The following GPC5 variants were observed in gnomAD, a reference collection of about 807,000 sequenced individuals.
The protein encoded by GPC5 is glypican 5, also known as glypican-5.
A neutral mutation model predicts 53.9 loss-of-function variants in GPC5; 47 were observed. That is an observed-to-expected ratio of 0.87 (90% confidence interval 0.69 to 1.11). GPC5 has a LOEUF of 1.11. GPC5 is among the 50% of genes most tolerant of loss of function. The pLI, the probability that GPC5 is intolerant of heterozygous loss-of-function variation, is 0.00. For missense variants in GPC5, 748 were observed against 713.1 expected, an observed-to-expected ratio of 1.05 and a Z score of -0.56; for synonymous variants, 286 against 263.3, an observed-to-expected ratio of 1.09 and a Z score of -0.84.
Position 91,399,014 on chromosome 13 carries a change from C to T in GPC5, c.-33C>T. On this transcript the variant is annotated 5_prime_UTR_variant, in exon 1 of 8. Transcript: ENST00000377067. The stretch of plus-strand genomic sequence containing the variant: ...CAGGGCGCGCAGGGCGAGTGGGGTC[C>T]ACTGGCGGGTAAAGGGGACCAGGAC... 1 of 1,534,280 alleles carries T rather than the reference C, an allele frequency of 6.5e-7. No individual in the cohort carries two copies. Among genetic ancestry groups the T allele is most frequent in the Non-Finnish European group, 8.8e-7 (1 of 1,136,588 alleles).
chr13:92,693,262 TAAAGTTAACCTGA>T (rs1887466113), intron 7 of GPC5, among the ~76,000 whole-genome samples: 1 of 152,124 alleles, frequency 6.6e-6, no homozygotes, highest in Non-Finnish European at 1.5e-5. Flanking sequence ...GGCACTGCTA[TAAAGTTAACCTGA>T]AAATGTGGAG....
At chr13:91,817,985 G>T (rs1278420525) in intron 5 of GPC5, among the ~76,000 whole-genome samples, 1 of 151,486 alleles carries the variant, frequency 6.6e-6, no homozygotes, top group African/African-American at 2.4e-5. Context: ...TTTTATTGTC[G>T]TATATGTTTT....
At chr13:91,518,835 G>A (rs955322166) in intron 2 of GPC5, among the ~76,000 whole-genome samples, 1 of 152,172 alleles carries the variant, frequency 6.6e-6, no homozygotes, top group Admixed American at 6.5e-5. Context: ...TTACAGGTGT[G>A]AGCCACCACA....
intron 2 of GPC5, among the ~76,000 whole-genome samples, chr13:91,549,636 T>A (rs1178412111): frequency 6.6e-6 from 1 of 152,118 alleles, no homozygotes; most frequent in South Asian, 2.1e-4. Context: ...GGCATACAGA[T>A]GACAAATAAA....
intron 2 of GPC5, among the ~76,000 whole-genome samples, chr13:91,628,095 T>G (rs923932452): frequency 1.3e-5 from 2 of 152,142 alleles, no homozygotes; most frequent in African/African-American, 4.8e-5. Flanking sequence ...AGGGCAACTT[T>G]ATTTTGATGC....
intron 7 of GPC5, among the ~76,000 whole-genome samples, chr13:92,486,145 T>A (rs974029162): frequency 1.3e-5 from 2 of 152,166 alleles, no homozygotes; most frequent in Admixed American, 6.5e-5. Flanking sequence ...AGCTTCAATG[T>A]CTTTTTTACA....
At chr13:92,609,533 C>T (rs1884367252) in intron 7 of GPC5, among the ~76,000 whole-genome samples, 1 of 152,024 alleles carries the variant, frequency 6.6e-6, no homozygotes, top group Non-Finnish European at 1.5e-5. Context: ...AAATAGAGTG[C>T]TTTGTGATGA....
intron 7 of GPC5, among the ~76,000 whole-genome samples, chr13:92,481,111 T>A (rs1879337316): frequency 6.6e-6 from 1 of 152,102 alleles, no homozygotes; most frequent in Non-Finnish European, 1.5e-5. Flanking sequence ...TTTGCATTTT[T>A]TTTTTTTGAG....
chr13:91,403,694 T>C (rs1160319234), intron 1 of GPC5, among the ~76,000 whole-genome samples: 1 of 152,216 alleles, frequency 6.6e-6, no homozygotes, highest in Non-Finnish European at 1.5e-5. Flanking sequence ...TTGTCACCTT[T>C]TCCCTTGGGA....
At chr13:91,675,493 G>C (rs1242362163) in intron 2 of GPC5, among the ~76,000 whole-genome samples, 1 of 152,176 alleles carries the variant, frequency 6.6e-6, no homozygotes, top group Non-Finnish European at 1.5e-5. Context: ...TACAAGATGA[G>C]TAAGGTATGA....
intron 7 of GPC5, among the ~76,000 whole-genome samples, chr13:92,564,967 C>T (rs1452090198): frequency 6.6e-6 from 1 of 152,024 alleles, no homozygotes; most frequent in African/African-American, 2.4e-5. Flanking sequence ...AAAGGCAGAA[C>T]TGCATTAAAC....
At chr13:92,552,280 G>T (rs992724998) in intron 7 of GPC5, among the ~76,000 whole-genome samples, 5 of 151,724 alleles carry the variant, frequency 3.3e-5, no homozygotes, top group African/African-American at 1.2e-4. Flanking sequence ...TACAGTCCTC[G>T]CCCTTAAGAG....
intron 7 of GPC5, among the ~76,000 whole-genome samples, chr13:92,816,380 A>G (rs1877477567): frequency 1.3e-5 from 2 of 152,006 alleles, no homozygotes; most frequent in South Asian, 4.1e-4. Context: ...ACAATAATGA[A>G]TATTGTTGGC....
At chr13:91,743,359 G>A (rs1048196408) in intron 4 of GPC5, among the ~76,000 whole-genome samples, 2 of 151,998 alleles carry the variant, frequency 1.3e-5, no homozygotes, top group Admixed American at 1.3e-4. Context: ...AGAATCTGTG[G>A]GGGCATAATT....
intron 7 of GPC5, among the ~76,000 whole-genome samples, chr13:92,213,852 GC>G (rs2042391958): frequency 6.6e-6 from 1 of 152,120 alleles, no homozygotes. Flanking sequence ...AGATTCAAGT[GC>G]CTTATAAAGA....
chr13:92,335,679 T>C (rs973465495), intron 7 of GPC5, among the ~76,000 whole-genome samples: 1 of 152,160 alleles, frequency 6.6e-6, no homozygotes, highest in Non-Finnish European at 1.5e-5. Context: ...CCCTAAATCA[T>C]CTCTCTCAAG....
At chr13:92,329,408 A>G (rs1262777364) in intron 7 of GPC5, among the ~76,000 whole-genome samples, 1 of 152,114 alleles carries the variant, frequency 6.6e-6, no homozygotes, top group Non-Finnish European at 1.5e-5. Context: ...TAATGGAGTG[A>G]GAACTCACTT....
intron 5 of GPC5, among the ~76,000 whole-genome samples, chr13:91,758,323 T>G (rs1053341881): frequency 6.6e-6 from 1 of 152,098 alleles, no homozygotes; most frequent in East Asian, 1.9e-4. Context: ...ATTGAACTTT[T>G]TGTATATTTT....
At chr13:91,402,428 T>C (rs1877023374) in intron 1 of GPC5, among the ~76,000 whole-genome samples, 1 of 152,204 alleles carries the variant, frequency 6.6e-6, no homozygotes, top group South Asian at 2.1e-4. Flanking sequence ...TTATTATTGC[T>C]CCAAGGACAG....
Sources: allele counts gnomAD v4.1 joint callset (sites outside exome capture counted in the v4.1 genomes callset), GRCh38; gene constraint gnomAD v4.1.1; transcripts MANE v1.5; gene names NCBI Gene and HGNC (gene_info 2026-07-23, HGNC 2026-07-21).